The following XKR9 variants were observed in gnomAD, a reference collection of about 807,000 sequenced individuals.
The protein encoded by XKR9 is XK related 9.
A neutral mutation model predicts 32.0 loss-of-function variants in XKR9; 32 were observed. The observed-to-expected ratio is 1.00, with a 90% CI of 0.76 to 1.34. The LOEUF (loss-of-function observed/expected upper bound fraction) is 1.34, where lower values mean the gene tolerates loss of function less well. Ranked by LOEUF, XKR9 falls within the 40% of genes most tolerant of loss-of-function variation. The pLI is 0.00. For missense variants in XKR9, 546 were observed against 429.7 expected, an observed-to-expected ratio of 1.27 and a Z score of -2.39; for synonymous variants, 168 against 143.4, an observed-to-expected ratio of 1.17 and a Z score of -1.22.
chr8:70,919,842 A>G, the XKR9 span, among the ~76,000 whole-genome samples: 1 of 152,196 alleles, frequency 6.6e-6, no homozygotes, highest in Non-Finnish European at 1.5e-5. Context: ...GAGGAATGTG[A>G]AAATTTGGAA....
the XKR9 span, among the ~76,000 whole-genome samples, chr8:70,843,872 C>T: frequency 6.6e-6 from 1 of 152,136 alleles, no homozygotes. Flanking sequence ...GAGAGCTCAG[C>T]CCCCACCAGA....
downstream of XKR9, among the ~76,000 whole-genome samples, chr8:70,736,680 A>C (rs541761721): frequency 0.022 from 3,301 of 151,900 alleles, 56 homozygotes; most frequent in African/African-American, 0.075. Context: ...TCAGCTTTCT[A>C]CATATGGCTA....
At chr8:70,719,703 G>A (rs1352765089) in intron 4 of XKR9, among the ~76,000 whole-genome samples, 10 of 152,100 alleles carry the variant, frequency 6.6e-5, no homozygotes, top group African/African-American at 2.4e-4. Flanking sequence ...TAGCCTTGTA[G>A]TATAGTTTGA....
intron 3 of XKR9, among the ~76,000 whole-genome samples, chr8:70,693,097 G>A (rs1467079298): frequency 6.6e-6 from 1 of 152,180 alleles, no homozygotes; most frequent in East Asian, 1.9e-4. Context: ...CTTGATCACG[G>A]TAGATTAGCT....
At chr8:70,773,279 G>T (rs1011586338) in intron 2 of XKR9, among the ~76,000 whole-genome samples, 15 of 152,212 alleles carry the variant, frequency 9.9e-5, no homozygotes, top group African/African-American at 1.7e-4. Context: ...ATATGGATAT[G>T]CAGGGAAGCA....
chr8:70,752,822 C>A (rs899591133), intron 2 of XKR9, among the ~76,000 whole-genome samples: 10 of 151,940 alleles, frequency 6.6e-5, no homozygotes, highest in Admixed American at 3.9e-4. Flanking sequence ...CAGGAAAGAT[C>A]AAAAATTGAC....
chr8:70,925,091 TCA>T, the XKR9 span, among the ~76,000 whole-genome samples: 1 of 152,208 alleles, frequency 6.6e-6, no homozygotes, highest in Non-Finnish European at 1.5e-5. Flanking sequence ...TCTTGTACTT[TCA>T]GTCACATTTC....
chr8:71,051,589 C>G, the XKR9 span, among the ~76,000 whole-genome samples: 2 of 151,264 alleles, frequency 1.3e-5, no homozygotes, highest in African/African-American at 2.4e-5. Context: ...AGAATTTGGC[C>G]CATATGGTTT....
intron 2 of XKR9, among the ~76,000 whole-genome samples, chr8:70,761,816 T>C (rs916025128): frequency 9.2e-5 from 14 of 152,204 alleles, no homozygotes; most frequent in African/African-American, 3.4e-4. Flanking sequence ...TCTAGAGTTT[T>C]TAGAGTTTTG....
chr8:70,911,511 G>T, the XKR9 span, among the ~76,000 whole-genome samples: 7 of 152,112 alleles, frequency 4.6e-5, no homozygotes, highest in Admixed American at 1.3e-4. Context: ...TGGAAAAGTT[G>T]GAAGCTTTAC....
chr8:70,719,672 G>T (rs1355040178), intron 4 of XKR9, among the ~76,000 whole-genome samples: 1 of 152,094 alleles, frequency 6.6e-6, no homozygotes, highest in African/African-American at 2.4e-5. Flanking sequence ...TTTGGTACCA[G>T]TCATGTTGTT....
At chr8:70,956,713 C>A in the XKR9 span, among the ~76,000 whole-genome samples, 1 of 152,142 alleles carries the variant, frequency 6.6e-6, no homozygotes, top group Non-Finnish European at 1.5e-5. Context: ...AGGATGGGGG[C>A]TAGTGTGTCA....
chr8:70,952,825 C>G, the XKR9 span, among the ~76,000 whole-genome samples: 1 of 152,236 alleles, frequency 6.6e-6, no homozygotes, highest in Non-Finnish European at 1.5e-5. Flanking sequence ...GTAGGCACCA[C>G]TAACCACTGC....
Position 70,734,092 on chromosome 8 carries a change from A to G in XKR9, c.790A>G (p.Arg264Gly), listed in dbSNP as rs1424668462. 9.9e-6 allele frequency: 16 copies of G among 1,612,752 alleles called. No individual in the cohort carries two copies. The highest frequency in any genetic ancestry group is 1.4e-5 in the Non-Finnish European group (16 of 1,179,136). The change falls in exon 5 of 5, where the codon AGG (arginine) becomes GGG (glycine). Residue 264 changes from arginine (R) to glycine (G), a missense_variant. Transcript: ENST00000408926. Reference sequence around the variant, plus strand: ...TTGTATAAGTATGGAATTCTTATATAGGATTGTTGTTGGATTCATTCTTAT... The same window carrying G: ...TTGTATAAGTATGGAATTCTTATATGGGATTGTTGTTGGATTCATTCTTAT... ...CTCISMEFLY[R>G]IVVGFILIFT...
At chr8:70,709,368 A>G (rs993116268) in intron 4 of XKR9, among the ~76,000 whole-genome samples, 14 of 152,182 alleles carry the variant, frequency 9.2e-5, no homozygotes, top group Admixed American at 8.5e-4. Context: ...AAAAGCTGGA[A>G]GCATTCCTTT....
the XKR9 span, among the ~76,000 whole-genome samples, chr8:70,795,970 C>G: frequency 6.6e-6 from 1 of 151,998 alleles, no homozygotes; most frequent in African/African-American, 2.4e-5. Context: ...TCAGTTAAGT[C>G]ATTTGGTACT....
At chr8:70,999,187 T>C in the XKR9 span, among the ~76,000 whole-genome samples, 1 of 152,208 alleles carries the variant, frequency 6.6e-6, no homozygotes, top group African/African-American at 2.4e-5. Context: ...ATTGAATAGG[T>C]ATCAGAAGTA....
chr8:71,039,160 C>T, the XKR9 span, among the ~76,000 whole-genome samples: 1 of 151,890 alleles, frequency 6.6e-6, no homozygotes, highest in African/African-American at 2.4e-5. Flanking sequence ...AATTCTGAAA[C>T]GGCTAAGGTA....
chr8:70,951,951 G>GAGAAC, the XKR9 span, among the ~76,000 whole-genome samples: 1 of 151,950 alleles, frequency 6.6e-6, no homozygotes, highest in African/African-American at 2.4e-5. Context: ...CCTGAAGGAA[G>GAGAAC]AGAACAGAAT....
Sources: gnomAD v4.1 joint callset for allele counts (sites outside exome capture counted in the v4.1 genomes callset) on GRCh38, gnomAD v4.1.1 for gene constraint, MANE v1.5 for transcripts, NCBI Gene and HGNC (gene_info 2026-07-23, HGNC 2026-07-21) for gene names.